The following NFIC variants were observed in gnomAD, a reference collection of about 807,000 sequenced individuals.
NFIC encodes nuclear factor I C, also known as nuclear factor 1 C-type.
In NFIC, 12 loss-of-function variants were observed where a neutral mutation model predicts 54.4. The ratio of observed to expected loss-of-function variants is 0.22; its 90% CI spans 0.14 to 0.36. The LOEUF (loss-of-function observed/expected upper bound fraction) is 0.36. Ranked by LOEUF, NFIC falls within the 10% of genes least tolerant of loss-of-function variation. The probability of loss-of-function intolerance (pLI) is 1.00; values close to 1 mark genes in which losing one functional copy is unlikely to be tolerated. For synonymous variants in NFIC, 322 were observed against 319.2 expected, an observed-to-expected ratio of 1.01 and a Z score of -0.09; for missense variants, 575 against 718.2, an observed-to-expected ratio of 0.80 and a Z score of 2.28.
Position 3,452,421 on chromosome 19 carries a change from C to T in NFIC, c.1085-61C>T, listed in dbSNP as rs894810046. On this transcript the variant is annotated intron_variant, in intron 7 of 10. Transcript: ENST00000443272. The surrounding 1 kb of genome is among the most constrained non-coding windows in gnomAD (Gnocchi z 5.3). Reference sequence around the variant, plus strand: ...TGACACCCACAGACACACAGTCACACGGTCACAGAGCAGACCGGCTGGAGC... The same window carrying T: ...TGACACCCACAGACACACAGTCACATGGTCACAGAGCAGACCGGCTGGAGC... 1.5e-5 allele frequency: 23 copies of T among 1,582,200 alleles called. No individual in the cohort carries two copies. The highest frequency in any genetic ancestry group is 4.5e-5 in the East Asian group (2 of 44,498).
intron 2 of NFIC, among the ~76,000 whole-genome samples, chr19:3,422,326 G>A (rs1026612024): frequency 2.0e-5 from 3 of 151,540 alleles, no homozygotes; most frequent in South Asian, 2.1e-4. Flanking sequence ...CTCCCGCTTC[G>A]GCCTCCCAAA....
chr19:3,403,027 G>A (rs957401800), intron 2 of NFIC, among the ~76,000 whole-genome samples: 1 of 152,198 alleles, frequency 6.6e-6, no homozygotes, highest in East Asian at 1.9e-4. Flanking sequence ...TGCACCTGCT[G>A]TATACCAGAT....
At chr19:3,384,890 C>T (rs1392561779) in intron 2 of NFIC, among the ~76,000 whole-genome samples, 1 of 152,172 alleles carries the variant, frequency 6.6e-6, no homozygotes, top group Non-Finnish European at 1.5e-5. Context: ...CACACAGGGC[C>T]AGACCTCTCT....
chr19:3,463,077 C>A lies in NFIC; in HGVS notation c.*308C>A. 7.6e-7 allele frequency: 1 copy of A among 1,309,314 alleles called. No individual in the cohort carries two copies. The highest frequency in any genetic ancestry group is 3.9e-5 in the Admixed American group (1 of 25,906). The allele number at this position is 1,309,314 out of a possible 1,614,324, so 81.1% of individuals were successfully genotyped here. A position where few individuals can be genotyped will look rare whatever the true frequency, so the allele number is the denominator to read the frequency against. On this transcript the variant is annotated 3_prime_UTR_variant, in exon 11 of 11. Coordinates refer to ENST00000443272, the MANE Select transcript of NFIC (RefSeq NM_001245002.2). ...GACTGGAGGGCCAGGCCCCGCCACCCCCACGGGAGACCCGGGACAGGGCGT... is the reference window on the plus strand; with the variant it reads ...GACTGGAGGGCCAGGCCCCGCCACCACCACGGGAGACCCGGGACAGGGCGT...
At chr19:3,426,530 A>G (rs555871300) in intron 3 of NFIC, among the ~76,000 whole-genome samples, 1 of 152,110 alleles carries the variant, frequency 6.6e-6, no homozygotes, top group African/African-American at 2.4e-5. Context: ...CCTTCTCACT[A>G]TGGCCAGAGG....
At chr19:3,443,556 AG>A (rs1289205296) in intron 6 of NFIC, among the ~76,000 whole-genome samples, 1 of 151,918 alleles carries the variant, frequency 6.6e-6, no homozygotes, top group Non-Finnish European at 1.5e-5. Context: ...TCCCCACTCA[AG>A]GTGTGGATTT....
intron 10 of NFIC, among the ~76,000 whole-genome samples, chr19:3,462,456 A>AT (rs771345538): frequency 1.1e-4 from 16 of 152,240 alleles, no homozygotes; most frequent in Non-Finnish European, 1.6e-4. Flanking sequence ...GTGTGTAAGT[A>AT]TATCCCCAAT....
intron 2 of NFIC, among the ~76,000 whole-genome samples, chr19:3,385,490 T>C (rs1002017954): frequency 2.0e-5 from 3 of 152,068 alleles, no homozygotes; most frequent in African/African-American, 7.2e-5. Context: ...TGGTTATCGT[T>C]ACTAACATTA....
At position 3,395,492 on chromosome 19, in the gene NFIC, ATTTT is replaced by A. The variant is rs530190180; in HGVS notation, c.562+13264_562+13267del. 5.3e-3 allele frequency among the ~76,000 whole-genome samples: 700 copies of A among 130,848 alleles called. 10 individuals are homozygous for A. Among genetic ancestry groups the A allele is most frequent in the African/African-American group, 0.019 (674 of 35,080 alleles). The allele number at this position is 130,848 out of a possible 152,430, so 85.8% of individuals were successfully genotyped here. The stretch of plus-strand genomic sequence containing the variant: ...TTACAGGCGCATACCACCATGGTTG[ATTTT>A]TTTTTTTTTTTTTTAGTAGAGATGA... On this transcript the variant is annotated intron_variant, in intron 2 of 10. Transcript: ENST00000443272.
chr19:3,384,452 A>G (rs1328030958), intron 2 of NFIC, among the ~76,000 whole-genome samples: 1 of 150,974 alleles, frequency 6.6e-6, no homozygotes, highest in Non-Finnish European at 1.5e-5. Flanking sequence ...CCAGTGACGC[A>G]ATCTCGGCTC....
intron 2 of NFIC, among the ~76,000 whole-genome samples, chr19:3,393,671 C>T (rs536568284): frequency 1.9e-4 from 29 of 151,150 alleles, no homozygotes; most frequent in Middle Eastern, 3.4e-3. Context: ...AAAAATGAGC[C>T]GGGCGTGGTG....
intron 2 of NFIC, among the ~76,000 whole-genome samples, chr19:3,394,188 T>C (rs993811532): frequency 6.6e-6 from 1 of 152,074 alleles, no homozygotes; most frequent in African/African-American, 2.4e-5. Flanking sequence ...GAAAAATTAT[T>C]GGTCTATTGG....
At chr19:3,361,016 CTGGG>C (rs1210061392) in intron 1 of NFIC, among the ~76,000 whole-genome samples, 1 of 152,226 alleles carries the variant, frequency 6.6e-6, no homozygotes, top group African/African-American at 2.4e-5. Flanking sequence ...TGGGGACTGC[CTGGG>C]CGGCGGAGGA....
At chr19:3,418,871 A>G (rs946478231) in intron 2 of NFIC, among the ~76,000 whole-genome samples, 3 of 152,156 alleles carry the variant, frequency 2.0e-5, no homozygotes, top group Admixed American at 6.6e-5. Context: ...ATACATAAAT[A>G]CATAAGATGA....
intron 2 of NFIC, among the ~76,000 whole-genome samples, chr19:3,409,300 G>A (rs1488647984): frequency 6.6e-6 from 1 of 152,152 alleles, no homozygotes; most frequent in Non-Finnish European, 1.5e-5. Context: ...CTCTCCACAT[G>A]GCTGGGCTCC....
At chr19:3,444,666 G>A (rs1477505006) in intron 6 of NFIC, among the ~76,000 whole-genome samples, 1 of 152,174 alleles carries the variant, frequency 6.6e-6, no homozygotes, top group Non-Finnish European at 1.5e-5. Context: ...GGGATGTGGC[G>A]GCCGGGGGTG....
Position 3,463,262 on chromosome 19 carries a change from C to T in NFIC, c.*493C>T. The T allele has an allele frequency of 1.0e-6, 1 of 991,166 alleles. No homozygotes were observed. Among genetic ancestry groups the T allele is most frequent in the Non-Finnish European group, 1.2e-6 (1 of 834,190 alleles). The allele number at this position is 991,166 out of a possible 1,614,324, so 61.4% of individuals were successfully genotyped here. On this transcript the variant is annotated 3_prime_UTR_variant, in exon 11 of 11. Coordinates refer to ENST00000443272, the MANE Select transcript of NFIC (RefSeq NM_001245002.2). ...CAGGCGCGACACCCAGCAAGGCCAC[C>T]TCTCCCCGGGCCCCCGCGCCTCTGC...
At chr19:3,408,331 T>C (rs2081690583) in intron 2 of NFIC, among the ~76,000 whole-genome samples, 1 of 152,172 alleles carries the variant, frequency 6.6e-6, no homozygotes, top group South Asian at 2.1e-4. Flanking sequence ...CTCCGTGCAA[T>C]GCTGGGCCAC....
intron 2 of NFIC, among the ~76,000 whole-genome samples, chr19:3,404,809 A>G (rs2081618242): frequency 6.6e-6 from 1 of 152,146 alleles, no homozygotes; most frequent in Admixed American, 6.5e-5. Flanking sequence ...CAGGCCTCCG[A>G]GCAGGGGCCC....
Sources: allele counts gnomAD v4.1 joint callset (sites outside exome capture counted in the v4.1 genomes callset), GRCh38; gene constraint gnomAD v4.1.1; non-coding constraint Gnocchi (gnomAD v3.1); transcripts MANE v1.5; gene names NCBI Gene and HGNC (gene_info 2026-07-23, HGNC 2026-07-21).